The following APLP2 variants were observed in gnomAD, a reference collection of about 807,000 sequenced individuals.
APLP2 encodes amyloid beta precursor like protein 2.
A neutral mutation model predicts 89.9 loss-of-function variants in APLP2; 53 were observed. That is an observed-to-expected ratio of 0.59 (90% CI 0.47 to 0.74). APLP2 has a LOEUF of 0.74. APLP2 is among the 30% of genes least tolerant of loss of function. The probability of loss-of-function intolerance (pLI) is 0.00; values close to 1 mark genes in which losing one functional copy is unlikely to be tolerated. For missense variants in APLP2, 973 were observed against 975.9 expected (o/e 1.00, Z 0.04); for synonymous variants, 372 against 348.6 (o/e 1.07, Z -0.75).
chr11:130,105,482 G>T (rs1168607517), intron 1 of APLP2, among the ~76,000 whole-genome samples: 1 of 152,076 alleles, frequency 6.6e-6, no homozygotes, highest in Non-Finnish European at 1.5e-5. Flanking sequence ...TCATGTATAT[G>T]CTGTTTTTGA....
chr11:130,072,454 G>A (rs546753538), intron 1 of APLP2, among the ~76,000 whole-genome samples: 2 of 150,616 alleles, frequency 1.3e-5, no homozygotes, highest in Admixed American at 6.6e-5. Context: ...ACCTTGGTGT[G>A]CTTCTGATAG....
Position 130,141,890 on chromosome 11 carries a change from CT to C in APLP2, c.1999-23del. The C allele has an allele frequency of 6.3e-7, 1 of 1,580,468 alleles. No homozygotes were observed. The highest frequency in any genetic ancestry group is 8.7e-7 in the Non-Finnish European group (1 of 1,156,034). On this transcript the variant is annotated intron_variant, in intron 15 of 16. Coordinates refer to ENST00000338167, the MANE Select transcript of APLP2 (RefSeq NM_001142276.2). This position sits in a 1 kb window ranked among gnomAD's most constrained non-coding sequence, Gnocchi z 4.2. ...CACGGCTGCCAGATGGTCACTGGGACTTTTTTCCACGTCTGCTTTATTACGT... is the reference window on the plus strand; with the variant it reads ...CACGGCTGCCAGATGGTCACTGGGACTTTTTCCACGTCTGCTTTATTACGT...
In APLP2 at chr11:130,099,548, C is replaced by T. The variant is rs1250062439; in HGVS notation, c.106-9881C>T. Reference sequence around the variant, plus strand: ...TCATCTTGACTTCACTTCCAAGTCCCGGAAGCTGGGCTAGAGCCAGGAAGT... The same window carrying T: ...TCATCTTGACTTCACTTCCAAGTCCTGGAAGCTGGGCTAGAGCCAGGAAGT... On this transcript the variant is annotated intron_variant, in intron 1 of 16. Transcript: ENST00000338167. Among the ~76,000 whole-genome samples the T allele has an allele frequency of 3.9e-5, 6 of 152,170 alleles. No homozygotes were observed. The East Asian group carries it at 7.7e-4, about 20-fold the overall frequency.
intron 1 of APLP2, among the ~76,000 whole-genome samples, chr11:130,105,801 C>T (rs1320636193): frequency 1.3e-5 from 2 of 150,286 alleles, no homozygotes; most frequent in South Asian, 2.1e-4. Flanking sequence ...CCTCCCGGGT[C>T]CAGGCAGTTC....
At chr11:130,091,799 C>A (rs1333453414) in intron 1 of APLP2, among the ~76,000 whole-genome samples, 1 of 149,150 alleles carries the variant, frequency 6.7e-6, no homozygotes, top group African/African-American at 2.5e-5. Flanking sequence ...CCGGATGGGG[C>A]GGCTGGTCGG....
chr11:130,143,233 T>C lies in APLP2; in HGVS notation c.2155-114T>C, dbSNP rs1380469495. On this transcript the variant is annotated intron_variant, in intron 16 of 16. Coordinates refer to ENST00000338167, the MANE Select transcript of APLP2 (RefSeq NM_001142276.2). ...TTTGGCCTGTCCGGTGGGAACGGGC[T>C]GCTGGCTGCATTTGGTCCTCAGGGG... The C allele has an allele frequency of 4.3e-6, 4 of 921,084 alleles. No homozygotes were observed. The African/African-American group carries it at 6.5e-5, about 15-fold the overall frequency. 57.1% of individuals were successfully genotyped at this position (921,084 alleles called of 1,614,324 possible).
intron 3 of APLP2, among the ~76,000 whole-genome samples, chr11:130,115,374 A>G (rs1361735681): frequency 1.3e-5 from 2 of 152,146 alleles, no homozygotes; most frequent in Admixed American, 6.5e-5. Flanking sequence ...CAAGTAGGTA[A>G]ACAACCTTTG....
In APLP2 at chr11:130,070,064, G is replaced by T; in HGVS notation, c.87G>T (p.Ala29=). 3 of 1,486,384 alleles carry T rather than the reference G, an allele frequency of 2.0e-6. No homozygotes were observed. The highest frequency in any genetic ancestry group is 2.7e-6 in the Non-Finnish European group (3 of 1,126,694). 92.1% of individuals were successfully genotyped at this position (1,486,384 alleles called of 1,614,324 possible). A position where few individuals can be genotyped will look rare whatever the true frequency, so the allele number is the denominator to read the frequency against. ...TGGGGCTCACGGCGCCTGCCTTGGC[G>T]CTGGCCGGCTACATCGAGGTGGGGA... The part of the protein sequence containing the change: ...LLVGLTAPAL[A]LAGYIEALAA... Residue 29 remains alanine, a synonymous_variant, in exon 1 of 17, where the codon GCG becomes GCT. Transcript: ENST00000338167.
chr11:130,144,220 C>CT lies in APLP2; in HGVS notation c.*773dup, dbSNP rs1469694487. 2.0e-5 allele frequency: 3 copies of CT among 152,396 alleles called. No homozygotes were observed. Among genetic ancestry groups the CT allele is most frequent in the East Asian group, 3.9e-4 (2 of 5,188 alleles). 9.4% of individuals were successfully genotyped at this position (152,396 alleles called of 1,614,324 possible). A position where few individuals can be genotyped will look rare whatever the true frequency, so the allele number is the denominator to read the frequency against. ...GCTTATATTTGACATTCTTCACTGTCTGTTGTTTACCTACCGTAGCTTTTT... is the reference window on the plus strand; with the variant it reads ...GCTTATATTTGACATTCTTCACTGTCTTGTTGTTTACCTACCGTAGCTTTTT... On this transcript the variant is annotated 3_prime_UTR_variant, in exon 17 of 17. Coordinates refer to ENST00000338167, the MANE Select transcript of APLP2 (RefSeq NM_001142276.2).
At chr11:130,072,850 C>T (rs1346171192) in intron 1 of APLP2, among the ~76,000 whole-genome samples, 1 of 152,152 alleles carries the variant, frequency 6.6e-6, no homozygotes, top group Non-Finnish European at 1.5e-5. Context: ...TCAATTAGTT[C>T]CTCCTTTTGT....
At chr11:130,086,549 T>C (rs1293548819) in intron 1 of APLP2, among the ~76,000 whole-genome samples, 2 of 152,248 alleles carry the variant, frequency 1.3e-5, no homozygotes, top group African/African-American at 2.4e-5. Context: ...TTTTTTCTTT[T>C]GTTGCCTGTA....
chr11:130,101,173 TTTGTTG>T (rs907596708), intron 1 of APLP2, among the ~76,000 whole-genome samples: 1 of 152,074 alleles, frequency 6.6e-6, no homozygotes, highest in Non-Finnish European at 1.5e-5. Context: ...ACCCGTGTGT[TTTGTTG>T]TTGTTGTTGT....
chr11:130,137,875 CG>C (rs1465141034), intron 13 of APLP2, among the ~76,000 whole-genome samples: 1 of 152,208 alleles, frequency 6.6e-6, no homozygotes, highest in Middle Eastern at 3.2e-3. Flanking sequence ...AAAGAGTTAA[CG>C]TTCCGTAAAG....
intron 1 of APLP2, chr11:130,108,744 GAC>G (rs1478369043): frequency 6.6e-6 from 1 of 152,154 alleles, no homozygotes; most frequent in Non-Finnish European, 1.5e-5. Flanking sequence ...CTGCTATAAA[GAC>G]ACATGCACAC....
rs532598851 is a variant in APLP2, at chr11:130,093,666, T to G, written c.106-15763T>G. On this transcript the variant is annotated intron_variant, in intron 1 of 16. Coordinates refer to ENST00000338167, the MANE Select transcript of APLP2 (RefSeq NM_001142276.2). ...ACTGAGAGCTCAGGCCAGTGAGTGA[T>G]GAAAAGAGCACACCAAGACATGTTA... 6.6e-5 allele frequency among the ~76,000 whole-genome samples: 10 copies of G among 152,162 alleles called. 1 individual carries two copies.
intron 1 of APLP2, among the ~76,000 whole-genome samples, chr11:130,104,444 C>G (rs1366453971): frequency 6.6e-6 from 1 of 151,952 alleles, no homozygotes; most frequent in African/African-American, 2.4e-5. Context: ...GTCTCGAGCT[C>G]CTGACCTCAG....
At chr11:130,075,567 G>A (rs1941982535) in intron 1 of APLP2, among the ~76,000 whole-genome samples, 1 of 152,102 alleles carries the variant, frequency 6.6e-6, no homozygotes, top group African/African-American at 2.4e-5. Flanking sequence ...GAGTACCTCT[G>A]GGATGCTCAG....
chr11:130,135,948 A>G (rs1951533413), intron 13 of APLP2, among the ~76,000 whole-genome samples: 1 of 152,080 alleles, frequency 6.6e-6, no homozygotes, highest in African/African-American at 2.4e-5. Flanking sequence ...CCATTTCAAG[A>G]TGGGTGGCTT....
intron 3 of APLP2, among the ~76,000 whole-genome samples, chr11:130,117,135 A>G (rs1015306658): frequency 6.6e-6 from 1 of 152,190 alleles, no homozygotes. Flanking sequence ...CATCTTAAAA[A>G]AAAAAGTTAA....
Sources: allele counts gnomAD v4.1 joint callset (sites outside exome capture counted in the v4.1 genomes callset), GRCh38; gene constraint gnomAD v4.1.1; non-coding constraint Gnocchi (gnomAD v3.1); transcripts MANE v1.5; gene names NCBI Gene and HGNC (gene_info 2026-07-23, HGNC 2026-07-21).